LSAMP: variants seen among roughly 807,000 people sequenced by gnomAD.
LSAMP encodes the protein limbic system-associated membrane protein.
A neutral mutation model predicts 38.6 loss-of-function variants in LSAMP; 7 were observed. The ratio of observed to expected loss-of-function variants is 0.18; its 90% CI spans 0.10 to 0.34. The LOEUF is 0.34. LSAMP is among the 10% of genes least tolerant of loss of function. The pLI is 1.00. For synonymous variants in LSAMP, 154 were observed against 166.8 expected, an observed-to-expected ratio of 0.92 and a Z score of 0.59; for missense variants, 313 against 420.0, an observed-to-expected ratio of 0.75 and a Z score of 2.23.
At chr3:116,339,905 G>A (rs1369737531) in intron 1 of LSAMP, among the ~76,000 whole-genome samples, 2 of 152,050 alleles carry the variant, frequency 1.3e-5, no homozygotes, top group Admixed American at 6.6e-5. Flanking sequence ...CCAGGCTTGA[G>A]TGATGAACTT....
At chr3:116,336,747 T>G (rs1336237341) in intron 1 of LSAMP, among the ~76,000 whole-genome samples, 1 of 151,832 alleles carries the variant, frequency 6.6e-6, no homozygotes, top group Non-Finnish European at 1.5e-5. Context: ...CCTCGAAATA[T>G]TAAAAATAGA....
At chr3:116,086,675 T>C (rs1467103706) in intron 1 of LSAMP, 119 bp from the exon 2 acceptor site, 2 of 749,704 alleles carry the variant, frequency 2.7e-6, no homozygotes, top group Non-Finnish European at 4.5e-6. Flanking sequence ...GAATGAATTA[T>C]TGCCATGCCA....
At chr3:115,827,401 C>G (rs1934456314) in intron 6 of LSAMP, among the ~76,000 whole-genome samples, 1 of 148,074 alleles carries the variant, frequency 6.8e-6, no homozygotes, top group African/African-American at 2.5e-5. Flanking sequence ...GCTTTTTAGG[C>G]AGTTAAAAAG....
At chr3:116,254,251 G>A (rs1172270651) in intron 1 of LSAMP, among the ~76,000 whole-genome samples, 1 of 152,116 alleles carries the variant, frequency 6.6e-6, no homozygotes, top group African/African-American at 2.4e-5. Context: ...ACAAATTAGA[G>A]CTGCATTTAA....
chr3:116,229,168 A>AT (rs2107625253), intron 1 of LSAMP, among the ~76,000 whole-genome samples: 1 of 152,234 alleles, frequency 6.6e-6, no homozygotes, highest in East Asian at 1.9e-4. Flanking sequence ...GTATAGTGTT[A>AT]TTCTATGAAA....
intron 1 of LSAMP, among the ~76,000 whole-genome samples, chr3:116,269,581 C>G (rs993568083): frequency 5.9e-5 from 9 of 152,216 alleles, no homozygotes; most frequent in Middle Eastern, 3.4e-3. Flanking sequence ...TTCAAGCTAA[C>G]ATTGGGCTTA....
intron 1 of LSAMP, among the ~76,000 whole-genome samples, chr3:116,151,514 C>T (rs1709610345): frequency 6.6e-6 from 1 of 152,022 alleles, no homozygotes; most frequent in African/African-American, 2.4e-5. Flanking sequence ...AGATACCTTT[C>T]TGAAAATGCT....
intron 1 of LSAMP, among the ~76,000 whole-genome samples, chr3:116,318,134 TCA>T (rs1491102006): frequency 1.2e-3 from 21 of 17,716 alleles, no homozygotes; most frequent in Admixed American, 0.01. Flanking sequence ...AGACTCCATC[TCA>T]AAAAAAAAAA....
rs189643026 is a variant in LSAMP, at chr3:116,413,690, A to G, written c.155+31187T>C. On this transcript the variant is annotated intron_variant, in intron 1 of 6. Coordinates refer to ENST00000490035, the MANE Select transcript of LSAMP (RefSeq NM_002338.5). The stretch of plus-strand genomic sequence containing the variant: ...AGGCGGAGAAAGGCCACTCTGCATC[A>G]AAGGGTATGGGTACAAATTATCCAC... Among the ~76,000 whole-genome samples, 419 of 152,198 alleles carry G rather than the reference A, an allele frequency of 2.8e-3. 2 individuals carry two copies. Among genetic ancestry groups the G allele is most frequent in the African/African-American group, 9.6e-3 (398 of 41,552 alleles).
At chr3:116,232,145 T>TGCAGAG (rs2046408598) in intron 1 of LSAMP, among the ~76,000 whole-genome samples, 1 of 152,184 alleles carries the variant, frequency 6.6e-6, no homozygotes, top group East Asian at 1.9e-4. Flanking sequence ...ATTAAATCAA[T>TGCAGAG]AGCTCTCTGC....
chr3:116,267,720 A>C (rs1263112531), intron 1 of LSAMP, among the ~76,000 whole-genome samples: 2 of 152,010 alleles, frequency 1.3e-5, no homozygotes, highest in Non-Finnish European at 2.9e-5. Flanking sequence ...TTTTTTAGAC[A>C]TATGAAAGGT....
Position 116,162,768 on chromosome 3 carries a change from T to TACACACACACAC in LSAMP, c.156-76224_156-76213dup, listed in dbSNP as rs71141856. ...TATACATATCGTATACACACACTTA[T>TACACACACACAC]ACACACACACACACACACACACACA... On this transcript the variant is annotated intron_variant, in intron 1 of 6. Transcript: ENST00000490035. Among the ~76,000 whole-genome samples, 357 of 147,434 alleles carry TACACACACACAC rather than the reference T, an allele frequency of 2.4e-3. 1 individual carries two copies. Among genetic ancestry groups the TACACACACACAC allele is most frequent in the African/African-American group, 8.2e-3 (327 of 39,754 alleles).
intron 3 of LSAMP, among the ~76,000 whole-genome samples, chr3:115,933,931 G>A (rs1260810592): frequency 6.6e-6 from 1 of 152,110 alleles, no homozygotes; most frequent in Non-Finnish European, 1.5e-5. Flanking sequence ...GGGGGCAGAA[G>A]CAATAAATGT....
intron 2 of LSAMP, among the ~76,000 whole-genome samples, chr3:116,023,043 T>TGTTTATGTCATGTTCTGTG (rs1164542790): frequency 6.6e-6 from 1 of 152,172 alleles, no homozygotes; most frequent in Non-Finnish European, 1.5e-5. Context: ...CATGTTCTGT[T>TGTTTATGTCATGTTCTGTG]GTTTATGTCA....
chr3:115,999,235 T>C (rs1939916532), intron 3 of LSAMP, among the ~76,000 whole-genome samples: 1 of 152,178 alleles, frequency 6.6e-6, no homozygotes, highest in African/African-American at 2.4e-5. Flanking sequence ...GCAGCAGGAT[T>C]TGCAACTTGA....
intron 1 of LSAMP, among the ~76,000 whole-genome samples, chr3:116,139,871 T>C (rs750420861): frequency 6.6e-6 from 1 of 151,992 alleles, no homozygotes; most frequent in Non-Finnish European, 1.5e-5. Context: ...AGACAGAGTT[T>C]TCTATGGGGT....
chr3:115,985,533 C>A (rs1299087826), intron 3 of LSAMP, among the ~76,000 whole-genome samples: 2 of 152,174 alleles, frequency 1.3e-5, no homozygotes, highest in Non-Finnish European at 2.9e-5. Flanking sequence ...GATGCTCATA[C>A]CTCGTACCCA....
At chr3:115,865,518 A>T (rs1485715623) in intron 3 of LSAMP, among the ~76,000 whole-genome samples, 1 of 152,170 alleles carries the variant, frequency 6.6e-6, no homozygotes, top group Middle Eastern at 3.2e-3. Flanking sequence ...AATTACACAG[A>T]TATAGTATCC....
chr3:116,280,016 A>G (rs1393882202), intron 1 of LSAMP, among the ~76,000 whole-genome samples: 2 of 151,992 alleles, frequency 1.3e-5, no homozygotes, highest in African/African-American at 2.4e-5. Context: ...AGGCATTTAC[A>G]TGGGATTATT....
Sources: allele counts gnomAD v4.1 joint callset (sites outside exome capture counted in the v4.1 genomes callset), GRCh38; gene constraint gnomAD v4.1.1; transcripts MANE v1.5; gene names NCBI Gene and HGNC (gene_info 2026-07-23, HGNC 2026-07-21).